The following INPP5A variants were observed in gnomAD, a reference collection of about 807,000 sequenced individuals.
INPP5A encodes the protein inositol polyphosphate-5-phosphatase A.
INPP5A carries 14 observed loss-of-function variants against 65.2 expected under a neutral mutation model. The observed-to-expected ratio is 0.21, with a 90% CI of 0.14 to 0.34. INPP5A has a LOEUF of 0.34. INPP5A is among the 10% of genes least tolerant of loss of function. The probability of loss-of-function intolerance (pLI) is 1.00; values close to 1 mark genes in which losing one functional copy is unlikely to be tolerated. For synonymous variants in INPP5A, 207 were observed against 208.3 expected, an observed-to-expected ratio of 0.99 and a Z score of 0.05; for missense variants, 431 against 545.6, an observed-to-expected ratio of 0.79 and a Z score of 2.09.
chr10:132,619,299 C>T (rs570623825), intron 2 of INPP5A, among the ~76,000 whole-genome samples: 64 of 152,198 alleles, frequency 4.2e-4, no homozygotes, highest in Non-Finnish European at 7.6e-4. Flanking sequence ...CCCAGTAGGG[C>T]GGCTATTAAA....
intron 2 of INPP5A, among the ~76,000 whole-genome samples, chr10:132,624,365 G>A (rs2133364388): frequency 6.6e-6 from 1 of 152,244 alleles, no homozygotes; most frequent in East Asian, 1.9e-4. Context: ...TGTTTTGGCT[G>A]TGGTGCCACT....
rs566171142 is a variant in INPP5A at position 132,761,431 on chromosome 10, A to G, written c.904-4342A>G. On this transcript the variant is annotated intron_variant, in intron 11 of 15. Coordinates refer to ENST00000368594, the MANE Select transcript of INPP5A (RefSeq NM_005539.5). ...CAAGACAGACAGACACATCCCTGCCATGGAGCTCTGGGGGTGGCAGGGGAC... is the reference window on the plus strand; with the variant it reads ...CAAGACAGACAGACACATCCCTGCCGTGGAGCTCTGGGGGTGGCAGGGGAC... 7.9e-5 allele frequency among the ~76,000 whole-genome samples: 12 copies of G among 152,250 alleles called. No homozygotes were observed. The East Asian group carries it at 1.7e-3, about 22-fold the overall frequency.
intron 12 of INPP5A, among the ~76,000 whole-genome samples, chr10:132,771,641 GCC>G (rs1846950132): frequency 2.7e-5 from 4 of 150,090 alleles, no homozygotes; most frequent in African/African-American, 9.8e-5. Flanking sequence ...TGACACGGAG[GCC>G]CCGGCAGCCG....
intron 4 of INPP5A, among the ~76,000 whole-genome samples, chr10:132,689,930 G>A (rs150489653): frequency 0.018 from 2,682 of 152,350 alleles, 36 homozygotes; most frequent in Non-Finnish European, 0.026. Flanking sequence ...GCCCCAGGAC[G>A]AAGCCGAGCA....
At chr10:132,690,610 G>C (rs954597035) in intron 5 of INPP5A, among the ~76,000 whole-genome samples, 155 bp downstream of exon 5, 1 of 152,090 alleles carries the variant, frequency 6.6e-6, no homozygotes, top group Admixed American at 6.5e-5. Flanking sequence ...GGGCCTCCTG[G>C]ACCTGGACTC....
intron 1 of INPP5A, among the ~76,000 whole-genome samples, chr10:132,574,545 C>A (rs2071391651): frequency 6.6e-6 from 1 of 151,378 alleles, no homozygotes; most frequent in Non-Finnish European, 1.5e-5. Context: ...TTTACTGATG[C>A]CTCCTGGGCC....
chr10:132,765,756 C>T lies in INPP5A; in HGVS notation c.904-17C>T, dbSNP rs763232460. 7 of 1,544,460 alleles carry T rather than the reference C, an allele frequency of 4.5e-6. No homozygotes were observed. Among genetic ancestry groups the T allele is most frequent in the Non-Finnish European group, 6.3e-6 (7 of 1,116,576 alleles). On this transcript the variant is annotated splice_polypyrimidine_tract_variant and intron_variant, in intron 11 of 15. Coordinates refer to ENST00000368594, the MANE Select transcript of INPP5A (RefSeq NM_005539.5). ...AAAACCAATGTGACTTTATTTTCTGCTCTTTCTTTTCTTTAGCTCTTGGAG... is the reference window on the plus strand; with the variant it reads ...AAAACCAATGTGACTTTATTTTCTGTTCTTTCTTTTCTTTAGCTCTTGGAG...
Position 132,782,622 on chromosome 10 carries a change from A to G in INPP5A, c.*593A>G, listed in dbSNP as rs1045917050. ...TATATATAAATATATATAAATATAT[A>G]CTTTTTAAAAATAATTTATAAATCT... On this transcript the variant is annotated 3_prime_UTR_variant, in exon 16 of 16. Coordinates refer to ENST00000368594, the MANE Select transcript of INPP5A (RefSeq NM_005539.5). This position sits in a 1 kb window ranked among gnomAD's most constrained non-coding sequence, Gnocchi z 4.4. The G allele has an allele frequency of 2.7e-5, 4 of 150,532 alleles. No homozygotes were observed. The highest frequency in any genetic ancestry group is 5.9e-5 in the Non-Finnish European group (4 of 67,716). The allele number at this position is 150,532 out of a possible 1,614,324, so 9.3% of individuals were successfully genotyped here.
Position 132,545,896 on chromosome 10 carries a change from C to T in INPP5A, c.75+7725C>T, listed in dbSNP as rs1443253743. Among the ~76,000 whole-genome samples the T allele has an allele frequency of 6.6e-6, 1 of 152,252 alleles. No homozygotes were observed. On this transcript the variant is annotated intron_variant, in intron 1 of 15. Transcript: ENST00000368594. This position sits in a 1 kb window ranked among gnomAD's most constrained non-coding sequence, Gnocchi z 4.6. ...CGACTGCCTCAATCGTGGTTGCTGC[C>T]TCCGCTCGGCCTGAGGTGATGAGAG...
At chr10:132,656,797 A>C (rs1357385105) in intron 4 of INPP5A, among the ~76,000 whole-genome samples, 5 of 152,184 alleles carry the variant, frequency 3.3e-5, no homozygotes, top group African/African-American at 1.2e-4. Flanking sequence ...AGACCCTTCC[A>C]CAGCTGCTCA....
intron 2 of INPP5A, among the ~76,000 whole-genome samples, chr10:132,613,437 C>G (rs1471786099): frequency 1.3e-5 from 2 of 152,214 alleles, no homozygotes; most frequent in East Asian, 3.9e-4. Context: ...TCTGGAGACT[C>G]AGCCTTTATG....
Position 132,689,557 on chromosome 10 carries a change from A to T in INPP5A, c.307-835A>T, listed in dbSNP as rs534549242. 7.2e-5 allele frequency among the ~76,000 whole-genome samples: 11 copies of T among 152,328 alleles called. No individual in the cohort carries two copies. In the East Asian group the frequency reaches 2.1e-3, roughly 29 times the overall value. ...AGGCAACCACTGCAAACCAGTGTAG[A>T]ATATTCTGATCACCCCAGAGTTGCA... On this transcript the variant is annotated intron_variant, in intron 4 of 15. Transcript: ENST00000368594.
In INPP5A at chr10:132,651,629, T is replaced by A. The variant is rs2072578361; in HGVS notation, c.306+1124T>A. Among the ~76,000 whole-genome samples, 1 of 152,188 alleles carries A rather than the reference T, an allele frequency of 6.6e-6. No individual in the cohort carries two copies. The highest frequency in any genetic ancestry group is 6.5e-5 in the Admixed American group (1 of 15,288). On this transcript the variant is annotated intron_variant, in intron 4 of 15. Transcript: ENST00000368594. This position sits in a 1 kb window ranked among gnomAD's most constrained non-coding sequence, Gnocchi z 5.0. ...GCGCCGTCACGTGACAGGCCCTTGT[T>A]AATCTGCCCTCTCCCAGGTGGGCCC... is the stretch of plus-strand genomic sequence containing the variant.
At chr10:132,585,703 C>T (rs553563826) in intron 1 of INPP5A, among the ~76,000 whole-genome samples, 7 of 152,326 alleles carry the variant, frequency 4.6e-5, no homozygotes, top group African/African-American at 1.7e-4. Flanking sequence ...CCTCAGATAC[C>T]ACCATCTCTT....
At chr10:132,726,926 C>T (rs776946612) in intron 9 of INPP5A, 21 bp downstream of exon 9, 34 of 1,561,570 alleles carry the variant, frequency 2.2e-5, no homozygotes, top group East Asian at 1.8e-4. Flanking sequence ...GCTTCCCTCC[C>T]GCCCTGGTCT....
chr10:132,736,626 C>G (rs1846181672), intron 9 of INPP5A, among the ~76,000 whole-genome samples: 5 of 152,250 alleles, frequency 3.3e-5, no homozygotes, highest in Admixed American at 2.0e-4. Context: ...GCCTCAAAGG[C>G]TGTGTCTGCC....
chr10:132,668,800 G>T (rs1407284751), intron 4 of INPP5A, among the ~76,000 whole-genome samples: 1 of 152,142 alleles, frequency 6.6e-6, no homozygotes, highest in Non-Finnish European at 1.5e-5. Context: ...CCGTGCTCTG[G>T]GTTTGGTCCA....
At chr10:132,624,914 T>C (rs1345044646) in intron 2 of INPP5A, among the ~76,000 whole-genome samples, 1 of 151,102 alleles carries the variant, frequency 6.6e-6, no homozygotes, top group African/African-American at 2.4e-5. Context: ...TCTTCTCCCA[T>C]GTGGCATCGC....
chr10:132,766,529 C>T (rs1282122319), intron 12 of INPP5A, among the ~76,000 whole-genome samples: 3 of 151,834 alleles, frequency 2.0e-5, no homozygotes, highest in African/African-American at 4.8e-5. Context: ...TGCAGATGTG[C>T]GTGGGGCGTG....
Sources: allele counts gnomAD v4.1 joint callset (sites outside exome capture counted in the v4.1 genomes callset), GRCh38; gene constraint gnomAD v4.1.1; non-coding constraint Gnocchi (gnomAD v3.1); transcripts MANE v1.5; gene names NCBI Gene and HGNC (gene_info 2026-07-23, HGNC 2026-07-21).